Variants in OSBPL5 observed in about 807,000 individuals in gnomAD.
The protein encoded by OSBPL5 is oxysterol-binding protein-related protein 5.
In OSBPL5, 71 loss-of-function variants were observed where a neutral mutation model predicts 111.2. That is an observed-to-expected ratio of 0.64 (90% CI 0.53 to 0.78). The LOEUF (loss-of-function observed/expected upper bound fraction) is 0.78, where lower values mean the gene tolerates loss of function less well. Among genes scored for constraint, OSBPL5 ranks in the 30% least tolerant of loss-of-function variants. The pLI, the probability that OSBPL5 is intolerant of heterozygous loss-of-function variation, is 0.00. For synonymous variants in OSBPL5, 549 were observed against 513.9 expected (o/e 1.07, Z -0.93); for missense variants, 1,210 against 1,189.3 (o/e 1.02, Z -0.26).
rs576412842 is a variant in OSBPL5, at chr11:3,101,468, T to C, written c.1522+135A>G. The C allele has an allele frequency of 6.2e-6, 5 of 806,084 alleles. No homozygotes were observed. The Admixed American group carries it at 1.0e-4, about 17-fold the overall frequency. 49.9% of individuals were successfully genotyped at this position (806,084 alleles called of 1,614,324 possible). A position where few individuals can be genotyped will look rare whatever the true frequency, so the allele number is the denominator to read the frequency against. On this transcript the variant is annotated intron_variant, in intron 13 of 21. Transcript: ENST00000263650. The stretch of plus-strand genomic sequence containing the variant: ...CGGGTCTCAGCACCTGACCACCACA[T>C]GGTCTCTGACTAGGAGGGGTTGGGA...
intron 12 of OSBPL5, 152 bp downstream of exon 12, chr11:3,102,031 C>T (rs1208632034): frequency 5.5e-6 from 4 of 726,004 alleles, no homozygotes; most frequent in Non-Finnish European, 6.8e-6. Context: ...GCGGCTGGGT[C>T]CACAGCCCTT....
chr11:3,116,964 CA>C (rs1470197138), intron 7 of OSBPL5, among the ~76,000 whole-genome samples: 1 of 151,558 alleles, frequency 6.6e-6, no homozygotes, highest in Non-Finnish European at 1.5e-5. Context: ...AAGCTATTTA[CA>C]GCTTTTAACA....
chr11:3,087,645 G>A lies in OSBPL5; in HGVS notation c.*560C>T, dbSNP rs957006752. ...GGGGCTCCCATCCAAACAGCACAGC[G>A]TGGAATAAAAAACCAAAATGCCTTC... On this transcript the variant is annotated 3_prime_UTR_variant, in exon 22 of 22. Coordinates refer to ENST00000263650, the MANE Select transcript of OSBPL5 (RefSeq NM_020896.4). The A allele has an allele frequency of 1.1e-4, 17 of 152,954 alleles. No individual in the cohort carries two copies. The highest frequency in any genetic ancestry group is 1.9e-4 in the East Asian group (1 of 5,176). 9.5% of individuals were successfully genotyped at this position (152,954 alleles called of 1,614,324 possible). A position where few individuals can be genotyped will look rare whatever the true frequency, so the allele number is the denominator to read the frequency against.
At chr11:3,120,108 G>C (rs1342080653) in intron 6 of OSBPL5, 2 of 503,014 alleles carry the variant, frequency 4.0e-6, no homozygotes, top group Non-Finnish European at 7.2e-6. Context: ...CGGGTTAGGA[G>C]GGGTGAGGGC....
At chr11:3,157,513 G>A (rs1429126667) in intron 1 of OSBPL5, among the ~76,000 whole-genome samples, 2 of 152,214 alleles carry the variant, frequency 1.3e-5, no homozygotes, top group Non-Finnish European at 2.9e-5. Context: ...GGAAGGGCCT[G>A]TGCCAAGACA....
At chr11:3,101,550 C>T (rs1169571893) in intron 13 of OSBPL5, 53 bp downstream of exon 13, 9 of 1,527,690 alleles carry the variant, frequency 5.9e-6, no homozygotes, top group East Asian at 2.3e-5. Context: ...GGAGTCCTCC[C>T]GACCATCGCA....
At chr11:3,096,942 G>A (rs1453071914) in intron 14 of OSBPL5, among the ~76,000 whole-genome samples, 2 of 147,174 alleles carry the variant, frequency 1.4e-5, no homozygotes, top group African/African-American at 5.1e-5. Flanking sequence ...AGAGGAAAGA[G>A]GGAGGAGATG....
intron 1 of OSBPL5, among the ~76,000 whole-genome samples, chr11:3,149,214 C>A (rs984796616): frequency 6.6e-6 from 1 of 152,234 alleles, no homozygotes; most frequent in African/African-American, 2.4e-5. Context: ...CCCCGAGCGT[C>A]CACACCACCA....
rs543920786 is a variant in OSBPL5, at chr11:3,094,665, C to T, written c.1622-331G>A. 5.1e-5 allele frequency: 14 copies of T among 272,242 alleles called. No individual in the cohort carries two copies. The East Asian group carries it at 9.3e-4, about 18-fold the overall frequency. The allele number at this position is 272,242 out of a possible 1,614,324, so 16.9% of individuals were successfully genotyped here. On this transcript the variant is annotated intron_variant, in intron 14 of 21. Coordinates refer to ENST00000263650, the MANE Select transcript of OSBPL5 (RefSeq NM_020896.4). ...GGCCTTTGCTCATGTCAGGTGTCGC[C>T]TCCTGTTCCAGCCTCCTGGGAGGCC... is the stretch of plus-strand genomic sequence containing the variant.
At chr11:3,134,387 C>T (rs890897763) in intron 1 of OSBPL5, among the ~76,000 whole-genome samples, 2 of 152,150 alleles carry the variant, frequency 1.3e-5, no homozygotes, top group African/African-American at 2.4e-5. Context: ...CCTGGGGGAG[C>T]GCCAGGTTTT....
intron 7 of OSBPL5, among the ~76,000 whole-genome samples, chr11:3,108,950 T>C (rs1373432152): frequency 2.0e-5 from 3 of 152,032 alleles, no homozygotes; most frequent in Non-Finnish European, 4.4e-5. Context: ...GTATTTTTAG[T>C]AGAGACAGGG....
In OSBPL5 at chr11:3,105,738, A is replaced by G. The variant is rs1425989242; in HGVS notation, c.1060-1361T>C. On this transcript the variant is annotated intron_variant, in intron 9 of 21. Coordinates refer to ENST00000263650, the MANE Select transcript of OSBPL5 (RefSeq NM_020896.4). The surrounding 1 kb of genome is among the most constrained non-coding windows in gnomAD (Gnocchi z 5.2). Reference sequence around the variant, plus strand: ...AAGCCTTATCTGTGCTCGGCCTCTGAAGGTTGGGTGCCCGGGCCCCTTGGC... The same window carrying G: ...AAGCCTTATCTGTGCTCGGCCTCTGGAGGTTGGGTGCCCGGGCCCCTTGGC... Among the ~76,000 whole-genome samples, 2 of 152,040 alleles carry G rather than the reference A, an allele frequency of 1.3e-5. No individual in the cohort carries two copies. The highest frequency in any genetic ancestry group is 4.8e-5 in the African/African-American group (2 of 41,376).
intron 7 of OSBPL5, among the ~76,000 whole-genome samples, chr11:3,112,264 C>G (rs1230017903): frequency 1.3e-5 from 2 of 152,134 alleles, no homozygotes; most frequent in Non-Finnish European, 2.9e-5. Context: ...CTTCTGCTGT[C>G]TCTCCTTTCT....
Position 3,142,959 on chromosome 11 carries a change from T to A in OSBPL5, c.-21-13790A>T, listed in dbSNP as rs1846175781. ...AGACCCTTGGGACCCAGCATCTGGGTCTGGACGGTCCTGGAGCCTGCAGAG... is the reference window on the plus strand; with the variant it reads ...AGACCCTTGGGACCCAGCATCTGGGACTGGACGGTCCTGGAGCCTGCAGAG... On this transcript the variant is annotated intron_variant, in intron 1 of 21. Transcript: ENST00000263650. This position sits in a 1 kb window ranked among gnomAD's most constrained non-coding sequence, Gnocchi z 7.1. Among the ~76,000 whole-genome samples, 1 of 138,514 alleles carries A rather than the reference T, an allele frequency of 7.2e-6. No homozygotes were observed. The highest frequency in any genetic ancestry group is 1.5e-5 in the Non-Finnish European group (1 of 65,070). The allele number at this position is 138,514 out of a possible 152,430, so 90.9% of individuals were successfully genotyped here. A position where few individuals can be genotyped will look rare whatever the true frequency, so the allele number is the denominator to read the frequency against.
chr11:3,148,624 T>C (rs112293602), intron 1 of OSBPL5, among the ~76,000 whole-genome samples: 6,526 of 152,300 alleles, frequency 0.043, 188 homozygotes, highest in Admixed American at 0.079. Flanking sequence ...TTTGACATTT[T>C]CTATCATACG....
chr11:3,139,242 G>T (rs1015356936), intron 1 of OSBPL5, among the ~76,000 whole-genome samples: 1 of 152,202 alleles, frequency 6.6e-6, no homozygotes, highest in Non-Finnish European at 1.5e-5. Flanking sequence ...GGAGCAGGTG[G>T]CCACCGGCCA....
chr11:3,105,531 C>T lies in OSBPL5; in HGVS notation c.1060-1154G>A, dbSNP rs558378506. Among the ~76,000 whole-genome samples the T allele has an allele frequency of 7.1e-4, 108 of 152,272 alleles. No homozygotes were observed. The highest frequency in any genetic ancestry group is 2.5e-3 in the African/African-American group (105 of 41,552). ...GTCCATGTGCTCCCGTCCCGTCCTC[C>T]TTAACCCTCTCCACCAGGCTTCTGC... On this transcript the variant is annotated intron_variant, in intron 9 of 21. Transcript: ENST00000263650. This position sits in a 1 kb window ranked among gnomAD's most constrained non-coding sequence, Gnocchi z 5.2.
Position 3,105,677 on chromosome 11 carries a change from T to C in OSBPL5, c.1060-1300A>G, listed in dbSNP as rs1857667498. 6.6e-6 allele frequency among the ~76,000 whole-genome samples: 1 copy of C among 151,976 alleles called. No individual in the cohort carries two copies. Among genetic ancestry groups the C allele is most frequent in the Non-Finnish European group, 1.5e-5 (1 of 67,992 alleles). Reference sequence around the variant, plus strand: ...CCAGCTGGCTCTGAGACACCTGGGCTCCTGGATCCTCCCACCTCCCTGCCC... The same window carrying C: ...CCAGCTGGCTCTGAGACACCTGGGCCCCTGGATCCTCCCACCTCCCTGCCC... On this transcript the variant is annotated intron_variant, in intron 9 of 21. Transcript: ENST00000263650. This position sits in a 1 kb window ranked among gnomAD's most constrained non-coding sequence, Gnocchi z 5.2.
rs1857862547 is a variant in OSBPL5, at chr11:3,110,064, C to G, written c.692-2119G>C. ...GGCCATCCCCGGGCCTGCATGGGAC[C>G]TGGCACATAGTGGGGCACTCAGGAT... On this transcript the variant is annotated intron_variant, in intron 7 of 21. Coordinates refer to ENST00000263650, the MANE Select transcript of OSBPL5 (RefSeq NM_020896.4). The surrounding 1 kb of genome is among the most constrained non-coding windows in gnomAD (Gnocchi z 5.3). Among the ~76,000 whole-genome samples the G allele has an allele frequency of 1.3e-5, 2 of 152,176 alleles. No homozygotes were observed. Among genetic ancestry groups the G allele is most frequent in the Non-Finnish European group, 2.9e-5 (2 of 68,030 alleles).
Sources: allele counts gnomAD v4.1 joint callset (sites outside exome capture counted in the v4.1 genomes callset), GRCh38; gene constraint gnomAD v4.1.1; non-coding constraint Gnocchi (gnomAD v3.1); transcripts MANE v1.5; gene names NCBI Gene and HGNC (gene_info 2026-07-23, HGNC 2026-07-21).